Variants in CFI observed in about 807,000 individuals in gnomAD.
CFI encodes the protein complement factor I, also known as C3B/C4B inactivator.
CFI carries 66 observed loss-of-function variants against 78.8 expected under a neutral mutation model. The ratio of observed to expected loss-of-function variants is 0.84; its 90% CI spans 0.69 to 1.03. The LOEUF (loss-of-function observed/expected upper bound fraction) is 1.03. Ranked by LOEUF, CFI falls within the 50% of genes least tolerant of loss-of-function variation. CFI has a pLI of 0.00. For synonymous variants in CFI, 250 were observed against 232.6 expected (o/e 1.07, Z -0.68); for missense variants, 706 against 704.5 (o/e 1.00, Z -0.02).
chr4:109,771,603 A>G (rs1477689697), intron 1 of CFI, among the ~76,000 whole-genome samples: 2 of 150,142 alleles, frequency 1.3e-5, no homozygotes, highest in South Asian at 2.1e-4. Context: ...AATCCCAGCT[A>G]CTCAGGAGGC....
In CFI at chr4:109,760,390, CAT is replaced by C. The variant is rs763959092; in HGVS notation, c.773-12_773-11del. 1.9e-5 allele frequency: 30 copies of C among 1,605,914 alleles called. No homozygotes were observed. The highest frequency in any genetic ancestry group is 2.6e-5 in the Non-Finnish European group (30 of 1,172,778). ...CCTTTGCCTTGGCATGCTGTGCAAA[CAT>C]AAGCAGGAGAGGTTTTTTTCATTCC... On this transcript the variant is annotated splice_polypyrimidine_tract_variant and intron_variant, in intron 5 of 12. Coordinates refer to ENST00000394634, the MANE Select transcript of CFI (RefSeq NM_000204.5).
chr4:109,764,487 A>G, intron 3 of CFI, 50 bp downstream of exon 3: 6 of 1,606,330 alleles, frequency 3.7e-6, no homozygotes, highest in Non-Finnish European at 5.1e-6. Context: ...CAAAAAGCAA[A>G]CAGAACAATT....
Position 109,741,118 on chromosome 4 carries a change from A to G in CFI, c.1535-8T>C. 6.2e-7 allele frequency: 1 copy of G among 1,613,924 alleles called. No homozygotes were observed. The highest frequency in any genetic ancestry group is 8.5e-7 in the Non-Finnish European group (1 of 1,179,888). On this transcript the variant is annotated splice_region_variant and splice_polypyrimidine_tract_variant and intron_variant, in intron 12 of 12. Coordinates refer to ENST00000394634, the MANE Select transcript of CFI (RefSeq NM_000204.5). The stretch of plus-strand genomic sequence containing the variant: ...TGGAACCATCATATGTACCTAAGAA[A>G]GAAATGTGAAAGAGAAAATCACACA...
intron 2 of CFI, among the ~76,000 whole-genome samples, chr4:109,765,395 A>G (rs1489280106): frequency 1.3e-5 from 2 of 152,238 alleles, no homozygotes; most frequent in African/African-American, 4.8e-5. Flanking sequence ...TTGCTGTCAG[A>G]CATAAAATGT....
intron 9 of CFI, 32 bp downstream of exon 9, chr4:109,749,467 C>A (rs766400326): frequency 1.3e-6 from 2 of 1,555,890 alleles, no homozygotes; most frequent in Admixed American, 1.7e-5. Context: ...TGTTTCTGGG[C>A]AGTTGCATTG....
At chr4:109,783,200 C>T (rs1291909036) in intron 1 of CFI, among the ~76,000 whole-genome samples, 1 of 152,076 alleles carries the variant, frequency 6.6e-6, no homozygotes, top group Admixed American at 6.6e-5. Context: ...AACTAAAGAA[C>T]CTTTGCACAG....
At chr4:109,766,189 G>T (rs1202200947) in intron 2 of CFI, among the ~76,000 whole-genome samples, 2 of 152,124 alleles carry the variant, frequency 1.3e-5, no homozygotes, top group Non-Finnish European at 2.9e-5. Context: ...TAGACTACAT[G>T]TGAGTACCAA....
chr4:109,759,381 C>G (rs1210052824), intron 6 of CFI, among the ~76,000 whole-genome samples: 1 of 151,852 alleles, frequency 6.6e-6, no homozygotes, highest in Admixed American at 6.6e-5. Flanking sequence ...CTTTTAGATC[C>G]TGATTTGAAT....
intron 1 of CFI, among the ~76,000 whole-genome samples, chr4:109,771,161 G>A (rs1361432943): frequency 6.6e-6 from 1 of 152,030 alleles, no homozygotes; most frequent in Admixed American, 6.6e-5. Context: ...GGAGGCTGAG[G>A]CCAGCGGATC....
downstream of CFI, among the ~76,000 whole-genome samples, chr4:109,736,255 T>C (rs929680357): frequency 1.3e-5 from 2 of 152,228 alleles, no homozygotes; most frequent in Non-Finnish European, 2.9e-5. Context: ...TAGATAGTGT[T>C]TATCAAGACT....
chr4:109,758,005 G>T (rs1004125642), intron 6 of CFI: 19 of 1,345,234 alleles, frequency 1.4e-5, no homozygotes, highest in Non-Finnish European at 1.6e-5. Flanking sequence ...AGATCATTTT[G>T]ATTTGAATAA....
intron 1 of CFI, among the ~76,000 whole-genome samples, chr4:109,800,980 A>C (rs992936229): frequency 6.6e-6 from 1 of 152,212 alleles, no homozygotes; most frequent in Non-Finnish European, 1.5e-5. Flanking sequence ...ACTATTTTAG[A>C]AGTTACAAGA....
intron 1 of CFI, among the ~76,000 whole-genome samples, chr4:109,774,956 C>G (rs1273846608): frequency 3.3e-5 from 5 of 152,126 alleles, no homozygotes; most frequent in African/African-American, 1.2e-4. Flanking sequence ...TTCTTCTTAG[C>G]ACTGCCTTTC....
At chr4:109,752,788 G>C (rs1171046785) in intron 7 of CFI, among the ~76,000 whole-genome samples, 2 of 147,508 alleles carry the variant, frequency 1.4e-5, no homozygotes, top group African/African-American at 5.0e-5. Context: ...GTTTCCAGTA[G>C]TTAGAGCACG....
intron 1 of CFI, among the ~76,000 whole-genome samples, chr4:109,775,978 C>G (rs1729183000): frequency 6.6e-6 from 1 of 152,192 alleles, no homozygotes; most frequent in Non-Finnish European, 1.5e-5. Context: ...AAAACCCCAT[C>G]TGTACGTCAC....
chr4:109,748,192 G>T (rs1275717497), intron 10 of CFI, among the ~76,000 whole-genome samples: 1 of 152,186 alleles, frequency 6.6e-6, no homozygotes, highest in African/African-American at 2.4e-5. Context: ...AGTGTTCCAA[G>T]AATACTGTCC....
At chr4:109,760,239 G>GA in intron 6 of CFI, 31 bp downstream of exon 6, 1 of 1,500,338 alleles carries the variant, frequency 6.7e-7, no homozygotes, top group Non-Finnish European at 9.3e-7. Context: ...ATTCAATAAT[G>GA]AAAAAAAGTC....
intron 1 of CFI, among the ~76,000 whole-genome samples, chr4:109,772,683 A>G (rs901262279): frequency 2.6e-5 from 4 of 151,890 alleles, no homozygotes; most frequent in Admixed American, 2.6e-4. Flanking sequence ...GGCTCAAGTG[A>G]TCATCCTGCC....
chr4:109,797,236 T>C (rs1197798078), intron 1 of CFI, among the ~76,000 whole-genome samples: 1 of 152,116 alleles, frequency 6.6e-6, no homozygotes, highest in Non-Finnish European at 1.5e-5. Context: ...GACATATAGA[T>C]TCATGGAACA....
Sources: allele counts gnomAD v4.1 joint callset (sites outside exome capture counted in the v4.1 genomes callset), GRCh38; gene constraint gnomAD v4.1.1; transcripts MANE v1.5; gene names NCBI Gene and HGNC (gene_info 2026-07-23, HGNC 2026-07-21).